Variants in DNAH12 observed in about 807,000 individuals in gnomAD.
DNAH12 encodes axonemal beta dynein heavy chain 12.
Under a neutral mutation model 371.5 loss-of-function variants are expected in DNAH12, and 285 were observed. That is an observed-to-expected ratio of 0.77 (90% confidence interval 0.70 to 0.85). The LOEUF is 0.85. DNAH12 is among the 40% of genes least tolerant of loss of function. The pLI, the probability that DNAH12 is intolerant of heterozygous loss-of-function variation, is 0.00. For missense variants in DNAH12, 3,611 were observed against 3,689.4 expected (o/e 0.98, Z 0.55); for synonymous variants, 1,200 against 1,213.0 (o/e 0.99, Z 0.22).
At chr3:57,415,402 C>A in intron 38 of DNAH12, 24 bp downstream of exon 38, 1 of 1,542,764 alleles carries the variant, frequency 6.5e-7, no homozygotes, top group Non-Finnish European at 8.7e-7. Flanking sequence ...AACGATAGAC[C>A]CCCATTTCTG....
At chr3:57,512,525 GAC>G (rs970277490) in intron 4 of DNAH12, 1 of 152,180 alleles carries the variant, frequency 6.6e-6, no homozygotes, top group African/African-American at 2.4e-5. Context: ...TGCAAGGATG[GAC>G]ACAAATTCGT....
At chr3:57,390,408 CAAAAA>C (rs878912244) in intron 45 of DNAH12, among the ~76,000 whole-genome samples, 7 of 6,082 alleles carry the variant, frequency 1.2e-3, no homozygotes, top group African/African-American at 1.9e-3. Context: ...GATCCTGTCT[CAAAAA>C]AAAAAAAAAA....
chr3:57,430,684 T>C (rs2064929956), intron 32 of DNAH12, among the ~76,000 whole-genome samples: 1 of 152,214 alleles, frequency 6.6e-6, no homozygotes, highest in Non-Finnish European at 1.5e-5. Flanking sequence ...ATTAACTTGA[T>C]ACCTAAATTA....
intron 13 of DNAH12, among the ~76,000 whole-genome samples, chr3:57,477,396 G>A (rs956528019): frequency 3.9e-5 from 6 of 152,144 alleles, no homozygotes; most frequent in East Asian, 1.9e-4. Context: ...CGCCATTGCC[G>A]AGGCTTGACT....
At chr3:57,356,123 T>C (rs2062791205) in intron 59 of DNAH12, among the ~76,000 whole-genome samples, 1 of 152,114 alleles carries the variant, frequency 6.6e-6, no homozygotes. Flanking sequence ...ATTAAGTGAT[T>C]AAAGTGCAAA....
chr3:57,352,017 A>T, intron 60 of DNAH12, 68 bp downstream of exon 60: 1 of 1,401,474 alleles, frequency 7.1e-7, no homozygotes, highest in Non-Finnish European at 9.4e-7. Flanking sequence ...GAGAAGACAT[A>T]TTCACAGATT....
At chr3:57,367,394 T>C (rs2153333531) in intron 56 of DNAH12, among the ~76,000 whole-genome samples, 1 of 152,294 alleles carries the variant, frequency 6.6e-6, no homozygotes, top group South Asian at 2.1e-4. Flanking sequence ...AGTAAGCAAT[T>C]ATACAGCAGG....
chr3:57,427,138 A>ATGTTGTG (rs2064798109), intron 34 of DNAH12, among the ~76,000 whole-genome samples: 1 of 138,784 alleles, frequency 7.2e-6, no homozygotes, highest in African/African-American at 2.8e-5. Flanking sequence ...TAAGAAGCGA[A>ATGTTGTG]TGTGTGTGTG....
At position 57,401,120 on chromosome 3, in the gene DNAH12, G is replaced by A. The variant is rs2063848251; in HGVS notation, c.6948+2189C>T. Among the ~76,000 whole-genome samples, 8 of 152,130 alleles carry A rather than the reference G, an allele frequency of 5.3e-5. No homozygotes were observed. The South Asian group carries it at 1.5e-3, about 28-fold the overall frequency. ...TGTTAATTTAATTGTTAAACAACCA[G>A]TAAGTCAAAGAAGAAATCACAAGGG... On this transcript the variant is annotated intron_variant, in intron 43 of 73. Transcript: ENST00000495027.
chr3:57,341,608 G>T (rs544987370), intron 60 of DNAH12, among the ~76,000 whole-genome samples: 72 of 151,956 alleles, frequency 4.7e-4, no homozygotes, highest in African/African-American at 1.6e-3. Context: ...GAAAGAAATT[G>T]AAGAAGACAT....
chr3:57,552,717 T>G, the DNAH12 span, among the ~76,000 whole-genome samples: 1 of 151,394 alleles, frequency 6.6e-6, no homozygotes, highest in Admixed American at 6.6e-5. Flanking sequence ...TGAGACCAGC[T>G]TGGGCAACAT....
chr3:57,431,361 C>G (rs2153365776), intron 32 of DNAH12, among the ~76,000 whole-genome samples: 1 of 152,292 alleles, frequency 6.6e-6, no homozygotes, highest in East Asian at 1.9e-4. Flanking sequence ...ACACAGCTGC[C>G]CATCAGATCC....
rs557492328 is a variant in DNAH12 at position 57,447,611 on chromosome 3, C to G, written c.3787-922G>C. On this transcript the variant is annotated intron_variant, in intron 25 of 73. Coordinates refer to ENST00000495027, the MANE Select transcript of DNAH12 (RefSeq NM_001366028.2). Reference sequence around the variant, plus strand: ...GATAAATATTTTTACTTTATTTTTACTTTATTTTAAAAATCCAAGAGAGAC... The same window carrying G: ...GATAAATATTTTTACTTTATTTTTAGTTTATTTTAAAAATCCAAGAGAGAC... Among the ~76,000 whole-genome samples the G allele has an allele frequency of 7.5e-4, 114 of 151,014 alleles. 1 individual carries two copies. In the South Asian group the frequency reaches 7.7e-3, roughly 10 times the overall value.
At chr3:57,396,339 A>G (rs1462590112) in intron 43 of DNAH12, among the ~76,000 whole-genome samples, 1 of 151,950 alleles carries the variant, frequency 6.6e-6, no homozygotes, top group Non-Finnish European at 1.5e-5. Flanking sequence ...AATTTAAAAT[A>G]AAATTTACAA....
chr3:57,337,740 A>G (rs966815971), intron 60 of DNAH12, among the ~76,000 whole-genome samples: 8 of 152,174 alleles, frequency 5.3e-5, no homozygotes, highest in Non-Finnish European at 1.2e-4. Context: ...TTATTATTAG[A>G]TCTAAAGGCA....
chr3:57,347,893 CAT>C (rs2062580119), intron 60 of DNAH12, among the ~76,000 whole-genome samples: 1 of 152,130 alleles, frequency 6.6e-6, no homozygotes, highest in Admixed American at 6.6e-5. Flanking sequence ...AAATAGGTAA[CAT>C]GAACTCTTAT....
chr3:57,490,762 T>A (rs1404561825), intron 11 of DNAH12, among the ~76,000 whole-genome samples: 1 of 152,102 alleles, frequency 6.6e-6, no homozygotes, highest in African/African-American at 2.4e-5. Flanking sequence ...ATTCAAAGAC[T>A]ATCTTAAGCA....
chr3:57,371,735 C>T (rs1176769930), intron 55 of DNAH12, among the ~76,000 whole-genome samples: 2 of 149,146 alleles, frequency 1.3e-5, no homozygotes, highest in Non-Finnish European at 3.0e-5. Context: ...CTGCTGAAAA[C>T]TAAAGACAGA....
chr3:57,545,161 CTTTT>C (rs573945458), upstream of DNAH12, among the ~76,000 whole-genome samples: 3 of 136,534 alleles, frequency 2.2e-5, no homozygotes, highest in Admixed American at 7.6e-5. Context: ...AATAATGTGA[CTTTT>C]TTTTTTTTTT....
Sources: allele counts gnomAD v4.1 joint callset (sites outside exome capture counted in the v4.1 genomes callset), GRCh38; gene constraint gnomAD v4.1.1; transcripts MANE v1.5; gene names NCBI Gene and HGNC (gene_info 2026-07-23, HGNC 2026-07-21).